MICAL2: variants seen among roughly 807,000 people sequenced by gnomAD.
MICAL2 encodes the protein [F-actin]-monooxygenase MICAL2.
A neutral mutation model predicts 127.3 loss-of-function variants in MICAL2; 77 were observed. The observed-to-expected ratio is 0.60, with a 90% CI of 0.50 to 0.73. The LOEUF is 0.73. Among genes scored for constraint, MICAL2 ranks in the 30% least tolerant of loss-of-function variants. The probability of loss-of-function intolerance (pLI) is 0.00; values close to 1 mark genes in which losing one functional copy is unlikely to be tolerated. For synonymous variants in MICAL2, 570 were observed against 551.1 expected, an observed-to-expected ratio of 1.03 and a Z score of -0.48; for missense variants, 1,351 against 1,434.4, an observed-to-expected ratio of 0.94 and a Z score of 0.94.
intron 30 of MICAL2, among the ~76,000 whole-genome samples, chr11:12,320,439 T>C (rs1045556575): frequency 4.6e-5 from 7 of 152,192 alleles, no homozygotes; most frequent in African/African-American, 1.7e-4. Flanking sequence ...GTATGTCACA[T>C]ACACAGAGAC....
At chr11:12,239,077 A>G (rs1419809850) in intron 16 of MICAL2, among the ~76,000 whole-genome samples, 2 of 152,176 alleles carry the variant, frequency 1.3e-5, no homozygotes, top group African/African-American at 4.8e-5. Flanking sequence ...ACACTTCATG[A>G]TTATACTTGG....
intron 3 of MICAL2, among the ~76,000 whole-genome samples, chr11:12,190,238 C>A (rs1257693182): frequency 2.0e-5 from 3 of 152,096 alleles, no homozygotes; most frequent in African/African-American, 7.2e-5. Context: ...CCTCAAAGTT[C>A]CTCTGGTGGG....
intron 2 of MICAL2, among the ~76,000 whole-genome samples, chr11:12,151,234 A>T (rs765304015): frequency 6.6e-6 from 1 of 152,110 alleles, no homozygotes; most frequent in East Asian, 1.9e-4. Flanking sequence ...CACATGTGTG[A>T]GTGCCTACGT....
At chr11:12,261,142 G>T (rs1338739635) in intron 26 of MICAL2, 3 of 985,388 alleles carry the variant, frequency 3.0e-6, no homozygotes, top group South Asian at 4.7e-5. Context: ...GGACTGAGGG[G>T]GTTTGTTAGC....
In MICAL2 at chr11:12,236,479, G is replaced by A. The variant is rs181871358; in HGVS notation, c.2064+234G>A. Reference sequence around the variant, plus strand: ...CCAGGATGTGGTTCATGTCTGTAACGTGCAATGATACACTTGAAATACATG... The same window carrying A: ...CCAGGATGTGGTTCATGTCTGTAACATGCAATGATACACTTGAAATACATG... On this transcript the variant is annotated intron_variant, in intron 16 of 27. Transcript: ENST00000683283. Among the ~76,000 whole-genome samples the A allele has an allele frequency of 2.9e-3, 449 of 152,274 alleles. 4 individuals carry two copies. Among genetic ancestry groups the A allele is most frequent in the Non-Finnish European group, 4.7e-4 (32 of 68,018 alleles).
At chr11:12,271,574 C>T (rs76510550), upstream of MICAL2, among the ~76,000 whole-genome samples, 3,509 of 152,254 alleles carry the variant, frequency 0.023, 132 homozygotes, top group African/African-American at 0.08. Context: ...ATACCGTTCT[C>T]TTAGGGCTGT....
intron 1 of MICAL2, among the ~76,000 whole-genome samples, chr11:12,132,646 G>A (rs1206291460): frequency 1.3e-5 from 2 of 152,222 alleles, no homozygotes; most frequent in African/African-American, 2.4e-5. Context: ...TGTCCTGTGA[G>A]GGTCAGCAGG....
chr11:12,149,044 A>G (rs1446121411), intron 2 of MICAL2, among the ~76,000 whole-genome samples: 1 of 152,190 alleles, frequency 6.6e-6, no homozygotes, highest in Non-Finnish European at 1.5e-5. Flanking sequence ...CTGACTCCAG[A>G]GTCCAAACTG....
At chr11:12,261,773 G>A in intron 26 of MICAL2, 7 of 985,454 alleles carry the variant, frequency 7.1e-6, no homozygotes, top group Non-Finnish European at 8.4e-6. Context: ...TGTGGGAACT[G>A]GCGCCTCTGT....
At chr11:12,324,017 G>A (rs1864329187) in exon 31 of MICAL2, 1 of 1,611,990 alleles carries the variant, frequency 6.2e-7, no homozygotes, top group Non-Finnish European at 8.5e-7. Context: ...GCTAGAAAAA[G>A]CAATGAAGCA....
At chr11:12,218,294 G>A (rs549332102) in intron 8 of MICAL2, among the ~76,000 whole-genome samples, 106 of 152,302 alleles carry the variant, frequency 7.0e-4, no homozygotes, top group African/African-American at 2.5e-3. Context: ...CCATACGTGT[G>A]TGGGCTGGGA....
chr11:12,319,579 G>A, intron 29 of MICAL2: 1 of 730,530 alleles, frequency 1.4e-6, no homozygotes, highest in South Asian at 1.7e-5. Flanking sequence ...GGTGCAGTGA[G>A]GGGAGGGCAG....
chr11:12,112,906 T>C (rs1482989790), intron 1 of MICAL2, among the ~76,000 whole-genome samples: 1 of 152,106 alleles, frequency 6.6e-6, no homozygotes, highest in Non-Finnish European at 1.5e-5. Flanking sequence ...CTGCCTATAA[T>C]TGGGGTATGT....
chr11:12,266,133 A>G (rs903571286), downstream of MICAL2, among the ~76,000 whole-genome samples: 1 of 152,206 alleles, frequency 6.6e-6, no homozygotes. Flanking sequence ...AATAAAAATT[A>G]TAGTGCATCT....
At chr11:12,188,160 TAA>T (rs1225718993) in intron 3 of MICAL2, among the ~76,000 whole-genome samples, 1 of 152,266 alleles carries the variant, frequency 6.6e-6, no homozygotes, top group Non-Finnish European at 1.5e-5. Flanking sequence ...CACCTCATTT[TAA>T]AGGCTTAGTA....
rs745577483 is a variant in MICAL2 at position 12,215,494 on chromosome 11, A to G, written c.848-725A>G. On this transcript the variant is annotated intron_variant, in intron 7 of 27. Transcript: ENST00000683283. ...TGTTAAAGCACAGCGTGCTGGCCCT[A>G]TCCCCAGGGTTTCTGATTCAGTGAG... is the stretch of plus-strand genomic sequence containing the variant. Among the ~76,000 whole-genome samples the G allele has an allele frequency of 8.1e-4, 124 of 152,296 alleles. 1 individual carries two copies. Among genetic ancestry groups the G allele is most frequent in the Non-Finnish European group, 1.3e-3 (86 of 68,016 alleles).
chr11:12,326,198 A>G (rs1030243144), intron 31 of MICAL2, among the ~76,000 whole-genome samples: 1 of 152,154 alleles, frequency 6.6e-6, no homozygotes, highest in African/African-American at 2.4e-5. Flanking sequence ...AGACAGAGTA[A>G]AGTAAAACAG....
chr11:12,306,627 A>T (rs1221020881), intron 29 of MICAL2, among the ~76,000 whole-genome samples: 2 of 152,156 alleles, frequency 1.3e-5, no homozygotes, highest in Non-Finnish European at 2.9e-5. Context: ...CCTTTTCCAT[A>T]TTCCCAGTCC....
intron 33 of MICAL2, among the ~76,000 whole-genome samples, chr11:12,350,840 C>T (rs138216899): frequency 6.6e-6 from 1 of 152,170 alleles, no homozygotes; most frequent in African/African-American, 2.4e-5. Flanking sequence ...GAAATTTATT[C>T]TCTCACTGTC....
Sources: gnomAD v4.1 joint callset for allele counts (sites outside exome capture counted in the v4.1 genomes callset) on GRCh38, gnomAD v4.1.1 for gene constraint, MANE v1.5 for transcripts, NCBI Gene and HGNC (gene_info 2026-07-23, HGNC 2026-07-21) for gene names.